Variants in TBC1D5 observed in about 807,000 individuals in gnomAD.
TBC1D5 encodes the protein TBC1 domain family member 5.
In TBC1D5, 75 loss-of-function variants were observed where a neutral mutation model predicts 100.3. That is an observed-to-expected ratio of 0.75 (90% CI 0.62 to 0.91). The LOEUF (loss-of-function observed/expected upper bound fraction) is 0.91. Among genes scored for constraint, TBC1D5 ranks in the 40% least tolerant of loss-of-function variants. The probability of loss-of-function intolerance (pLI) is 0.00; values close to 1 mark genes in which losing one functional copy is unlikely to be tolerated. For synonymous variants in TBC1D5, 323 were observed against 325.6 expected (o/e 0.99, Z 0.09); for missense variants, 910 against 942.4 (o/e 0.97, Z 0.45).
chr3:17,602,114 A>G (rs945758554), intron 2 of TBC1D5, among the ~76,000 whole-genome samples: 137 of 152,210 alleles, frequency 9.0e-4, no homozygotes, highest in African/African-American at 3.1e-3. Context: ...TACAGGCGTA[A>G]GCCATTGCGC....
chr3:17,377,769 G>A (rs2092769209), intron 9 of TBC1D5, among the ~76,000 whole-genome samples: 1 of 151,898 alleles, frequency 6.6e-6, no homozygotes, highest in East Asian at 1.9e-4. Context: ...CAGACTTCAT[G>A]TATAAGTTAT....
chr3:17,445,316 CT>C lies in TBC1D5; in HGVS notation c.98-16798del, dbSNP rs540507223. Among the ~76,000 whole-genome samples the C allele has an allele frequency of 1.9e-4, 29 of 151,628 alleles. No individual in the cohort carries two copies. In the South Asian group the frequency reaches 6.0e-3, roughly 32 times the overall value. On this transcript the variant is annotated intron_variant, in intron 3 of 21. Coordinates refer to ENST00000253692, the Ensembl canonical transcript of TBC1D5. The stretch of plus-strand genomic sequence containing the variant: ...AAAAAGGTTTATACATTTTTAAAGG[CT>C]TTTTTTCTTAAAGAGGACGGTCTTT...
At chr3:17,513,875 G>A (rs961597722) in intron 2 of TBC1D5, among the ~76,000 whole-genome samples, 1 of 152,118 alleles carries the variant, frequency 6.6e-6, no homozygotes, top group African/African-American at 2.4e-5. Context: ...AGCTTCTCTG[G>A]TAGAAGCTAC....
In TBC1D5 at chr3:17,619,313, G is replaced by A. The variant is rs978743544; in HGVS notation, c.-36+4536C>T. Among the ~76,000 whole-genome samples the A allele has an allele frequency of 2.0e-5, 3 of 152,208 alleles. No homozygotes were observed. The East Asian group carries it at 5.8e-4, about 29-fold the overall frequency. ...AGTTCAAGAAAAACTGGGAAATACT[G>A]AAAATAAATAGATATGAGGGGACTA... On this transcript the variant is annotated intron_variant, in intron 2 of 21. Coordinates refer to ENST00000253692, the Ensembl canonical transcript of TBC1D5.
At chr3:17,579,051 G>T (rs557257512) in intron 2 of TBC1D5, among the ~76,000 whole-genome samples, 4 of 152,076 alleles carry the variant, frequency 2.6e-5, no homozygotes, top group African/African-American at 9.6e-5. Flanking sequence ...CAAAATTATT[G>T]TTCATACCAC....
At chr3:17,612,425 C>T (rs1022369053) in intron 2 of TBC1D5, among the ~76,000 whole-genome samples, 1 of 151,214 alleles carries the variant, frequency 6.6e-6, no homozygotes, top group Admixed American at 6.6e-5. Context: ...GTCAGGAGTT[C>T]GAGACCAGCC....
chr3:17,516,731 A>G (rs1012547948), intron 2 of TBC1D5, among the ~76,000 whole-genome samples: 1 of 152,184 alleles, frequency 6.6e-6, no homozygotes, highest in Admixed American at 6.5e-5. Flanking sequence ...AATTCATCAA[A>G]AACAGACAAC....
intron 1 of TBC1D5, among the ~76,000 whole-genome samples, chr3:17,656,544 C>G (rs560168584): frequency 2.0e-5 from 3 of 152,260 alleles, no homozygotes; most frequent in Admixed American, 2.0e-4. Flanking sequence ...GCCCTGTTCT[C>G]AGATTCCCAT....
chr3:17,310,433 C>T (rs2083889868), intron 13 of TBC1D5, among the ~76,000 whole-genome samples: 1 of 152,012 alleles, frequency 6.6e-6, no homozygotes, highest in African/African-American at 2.4e-5. Flanking sequence ...TTGCCAAGTA[C>T]ACTGCTATAT....
intron 13 of TBC1D5, chr3:17,337,492 A>G (rs965671062): frequency 5.9e-5 from 9 of 152,204 alleles, no homozygotes; most frequent in Non-Finnish European, 1.2e-4. Context: ...ACAAGAGAGT[A>G]TGTCTTAAGA....
At chr3:17,303,536 T>C (rs1197204672) in intron 14 of TBC1D5, among the ~76,000 whole-genome samples, 1 of 152,146 alleles carries the variant, frequency 6.6e-6, no homozygotes, top group East Asian at 1.9e-4. Flanking sequence ...AAAACCCCAG[T>C]TTCCTCACAA....
chr3:17,384,676 T>C (rs901885091), intron 8 of TBC1D5, among the ~76,000 whole-genome samples: 1 of 151,812 alleles, frequency 6.6e-6, no homozygotes, highest in Non-Finnish European at 1.5e-5. Flanking sequence ...ACATGGAACA[T>C]CAGTGGAAAA....
intron 19 of TBC1D5, among the ~76,000 whole-genome samples, chr3:17,181,256 T>A (rs2068424982): frequency 6.6e-6 from 1 of 152,198 alleles, no homozygotes; most frequent in Non-Finnish European, 1.5e-5. Context: ...AGTTGGGTAC[T>A]GGGAAATGTG....
intron 2 of TBC1D5, among the ~76,000 whole-genome samples, chr3:17,577,043 GA>G (rs1453345756): frequency 6.6e-6 from 1 of 151,860 alleles, no homozygotes; most frequent in Non-Finnish European, 1.5e-5. Flanking sequence ...TGAATAATAA[GA>G]AAAATGAAAG....
At chr3:17,419,588 C>T (rs2094160595) in intron 4 of TBC1D5, among the ~76,000 whole-genome samples, 1 of 152,160 alleles carries the variant, frequency 6.6e-6, no homozygotes, top group Non-Finnish European at 1.5e-5. Flanking sequence ...GAAGCTCCTG[C>T]CCCAGCTAGA....
intron 17 of TBC1D5, among the ~76,000 whole-genome samples, chr3:17,227,852 G>GTT (rs34995201): frequency 5.2e-4 from 72 of 139,070 alleles, no homozygotes; most frequent in African/African-American, 1.5e-3. Flanking sequence ...TAAAATAAAA[G>GTT]TTTTTTTTTT....
intron 1 of TBC1D5, among the ~76,000 whole-genome samples, chr3:17,695,254 C>T (rs1285181331): frequency 5.3e-5 from 8 of 152,132 alleles, no homozygotes; most frequent in Non-Finnish European, 1.2e-4. Context: ...CAATATTAAC[C>T]TTAAATGTAA....
chr3:17,466,573 G>C (rs966692427), intron 3 of TBC1D5, among the ~76,000 whole-genome samples: 7 of 152,084 alleles, frequency 4.6e-5, no homozygotes, highest in Non-Finnish European at 1.0e-4. Flanking sequence ...GAAACTGATG[G>C]ACTTTAGGCA....
At chr3:17,304,712 T>G (rs759115201) in intron 14 of TBC1D5, among the ~76,000 whole-genome samples, 3 of 152,176 alleles carry the variant, frequency 2.0e-5, no homozygotes, top group African/African-American at 7.2e-5. Flanking sequence ...GGCTTTTTCA[T>G]AGATCTAATT....
Sources: gnomAD v4.1 joint callset for allele counts (sites outside exome capture counted in the v4.1 genomes callset) on GRCh38, gnomAD v4.1.1 for gene constraint, MANE v1.5 for transcripts, NCBI Gene and HGNC (gene_info 2026-07-23, HGNC 2026-07-21) for gene names.